NDST3: variants seen among roughly 807,000 people sequenced by gnomAD.
NDST3 encodes bifunctional heparan sulfate N-deacetylase/N-sulfotransferase 3.
In NDST3, 58 loss-of-function variants were observed where a neutral mutation model predicts 96.1. The ratio of observed to expected loss-of-function variants is 0.60; its 90% CI spans 0.49 to 0.75. The LOEUF is 0.75. Ranked by LOEUF, NDST3 falls within the 30% of genes least tolerant of loss-of-function variation. The pLI, the probability that NDST3 is intolerant of heterozygous loss-of-function variation, is 0.00. For synonymous variants in NDST3, 333 were observed against 359.7 expected (o/e 0.93, Z 0.84); for missense variants, 788 against 1,034.2 (o/e 0.76, Z 3.27).
At position 118,224,646 on chromosome 4, in the gene NDST3, T is replaced by G; in HGVS notation, c.1695T>G (p.Phe565Leu). 5 of 1,606,100 alleles carry G rather than the reference T, an allele frequency of 3.1e-6. No individual in the cohort carries two copies. Among genetic ancestry groups the G allele is most frequent in the Non-Finnish European group, 4.3e-6 (5 of 1,176,050 alleles). Residue 565 changes from phenylalanine (F) to leucine (L), a missense_variant, in exon 7 of 14, where the codon TTT (phenylalanine) becomes TTG (leucine). Coordinates refer to ENST00000296499, the MANE Select transcript of NDST3 (RefSeq NM_004784.3). ...TGGCCCACAAGTATTTTGAGCTGTTTCCTGATCAGAAAGACCCTCTCTGGC... is the reference window on the plus strand; with the variant it reads ...TGGCCCACAAGTATTTTGAGCTGTTGCCTGATCAGAAAGACCCTCTCTGGC... ...VQLAHKYFEL[F>L]PDQKDPLWQN...
chr4:118,138,444 G>C (rs1405469783), intron 5 of NDST3, among the ~76,000 whole-genome samples: 1 of 152,150 alleles, frequency 6.6e-6, no homozygotes, highest in Non-Finnish European at 1.5e-5. Flanking sequence ...AAAAGGTTTT[G>C]TTACTGACAT....
chr4:118,169,943 G>A (rs1735821548), intron 6 of NDST3, among the ~76,000 whole-genome samples: 1 of 151,970 alleles, frequency 6.6e-6, no homozygotes, highest in Non-Finnish European at 1.5e-5. Flanking sequence ...GTAGTCCCAG[G>A]GCTTTTCCAT....
intron 2 of NDST3, among the ~76,000 whole-genome samples, chr4:118,090,405 A>G (rs1470643316): frequency 6.6e-6 from 1 of 151,982 alleles, no homozygotes; most frequent in Non-Finnish European, 1.5e-5. Flanking sequence ...GCCCCATCCT[A>G]TCAATGCCCC....
chr4:118,078,066 C>G (rs922928446), intron 2 of NDST3, among the ~76,000 whole-genome samples: 2 of 152,106 alleles, frequency 1.3e-5, no homozygotes, highest in African/African-American at 4.8e-5. Context: ...TGGAGGAGAG[C>G]CAGGGGATTT....
chr4:118,205,457 G>C (rs1022400058), intron 6 of NDST3, among the ~76,000 whole-genome samples: 1 of 144,324 alleles, frequency 6.9e-6, no homozygotes, highest in Non-Finnish European at 1.5e-5. Flanking sequence ...CCCATAATTT[G>C]CTTATCTCAT....
At chr4:118,146,976 A>T (rs1357924206) in intron 6 of NDST3, among the ~76,000 whole-genome samples, 1 of 152,222 alleles carries the variant, frequency 6.6e-6, no homozygotes, top group Non-Finnish European at 1.5e-5. Context: ...TAATCATAGG[A>T]ACTTGTACTC....
intron 6 of NDST3, among the ~76,000 whole-genome samples, chr4:118,144,563 GA>G (rs11298939): frequency 0.16 from 24,534 of 152,044 alleles, 2,128 homozygotes; most frequent in South Asian, 0.23. Context: ...GCAAGTATTA[GA>G]AAGTTGTGTA....
At chr4:118,108,955 A>T (rs552628264) in intron 3 of NDST3, among the ~76,000 whole-genome samples, 1 of 152,322 alleles carries the variant, frequency 6.6e-6, no homozygotes, top group South Asian at 2.1e-4. Context: ...TCTTATTGTA[A>T]CCTCAAAAAT....
At chr4:118,148,339 G>A (rs933617218) in intron 6 of NDST3, among the ~76,000 whole-genome samples, 1 of 152,132 alleles carries the variant, frequency 6.6e-6, no homozygotes, top group Non-Finnish European at 1.5e-5. Context: ...TGGAATTCAG[G>A]TGAAGCAAAT....
intron 6 of NDST3, among the ~76,000 whole-genome samples, chr4:118,157,276 GTTAA>G (rs1734772836): frequency 6.6e-6 from 1 of 151,494 alleles, no homozygotes; most frequent in East Asian, 1.9e-4. Flanking sequence ...AAAGTGTTTT[GTTAA>G]TTATTAATAG....
At chr4:118,226,719 T>C (rs1353357654) in intron 7 of NDST3, among the ~76,000 whole-genome samples, 167 bp from the exon 8 acceptor site, 1 of 152,180 alleles carries the variant, frequency 6.6e-6, no homozygotes, top group Non-Finnish European at 1.5e-5. Flanking sequence ...AAGGGAGTTA[T>C]TCAGAACTTC....
In NDST3 at chr4:118,190,296, C is replaced by G. The variant is rs572907650; in HGVS notation, c.1540-34195C>G. Among the ~76,000 whole-genome samples the G allele has an allele frequency of 4.2e-4, 63 of 151,432 alleles. 1 individual carries two copies. The highest frequency in any genetic ancestry group is 1.4e-3 in the African/African-American group (59 of 41,252). On this transcript the variant is annotated intron_variant, in intron 6 of 13. Coordinates refer to ENST00000296499, the MANE Select transcript of NDST3 (RefSeq NM_004784.3). ...TTCAAGTTATTGTTTTTTAACAGAC[C>G]TAAATATATTTAGCTTTTCTGTACA...
chr4:118,254,245 CAAAAAA>C (rs33924467), intron 13 of NDST3, among the ~76,000 whole-genome samples: 2 of 127,666 alleles, frequency 1.6e-5, no homozygotes, highest in Non-Finnish European at 1.6e-5. Flanking sequence ...AACTCCAACT[CAAAAAA>C]AAAAAAAAAA....
intron 2 of NDST3, among the ~76,000 whole-genome samples, chr4:118,101,549 C>A (rs1011071459): frequency 5.3e-5 from 8 of 152,064 alleles, no homozygotes; most frequent in Non-Finnish European, 1.0e-4. Context: ...AAAGCATAAA[C>A]AATTATTTTC....
intron 5 of NDST3, among the ~76,000 whole-genome samples, chr4:118,141,830 G>C (rs150882125): frequency 2.0e-5 from 3 of 151,732 alleles, no homozygotes; most frequent in Admixed American, 2.0e-4. Flanking sequence ...CTCTCACATG[G>C]GCTGGCATGG....
intron 10 of NDST3, among the ~76,000 whole-genome samples, chr4:118,239,201 T>C (rs1740865196): frequency 6.6e-6 from 1 of 152,194 alleles, no homozygotes; most frequent in South Asian, 2.1e-4. Flanking sequence ...TTCTTGACAA[T>C]CATAATATTA....
intron 6 of NDST3, 48 bp from the exon 7 acceptor site, chr4:118,224,443 G>T (rs771477907): frequency 3.9e-6 from 6 of 1,523,420 alleles, no homozygotes; most frequent in Non-Finnish European, 5.4e-6. Context: ...CTGCCCTCTA[G>T]TGTCAAAATA....
intron 4 of NDST3, among the ~76,000 whole-genome samples, chr4:118,136,962 T>C (rs1733154296): frequency 6.6e-6 from 1 of 152,344 alleles, no homozygotes; most frequent in South Asian, 2.1e-4. Flanking sequence ...GGCAAACCAC[T>C]GGCAAGCTGT....
intron 2 of NDST3, among the ~76,000 whole-genome samples, chr4:118,079,506 T>A (rs1027201939): frequency 1.3e-5 from 2 of 152,056 alleles, no homozygotes; most frequent in South Asian, 4.2e-4. Context: ...CCTGGTGTAA[T>A]CGAGAGAGAG....
Sources: allele counts gnomAD v4.1 joint callset (sites outside exome capture counted in the v4.1 genomes callset), GRCh38; gene constraint gnomAD v4.1.1; transcripts MANE v1.5; gene names NCBI Gene and HGNC (gene_info 2026-07-23, HGNC 2026-07-21).